RPS2: variants seen among roughly 807,000 people sequenced by gnomAD.
The protein encoded by RPS2 is ribosomal protein S2.
In RPS2, 8 loss-of-function variants were observed where a neutral mutation model predicts 25.3. That is an observed-to-expected ratio of 0.32 (90% CI 0.19 to 0.57). The LOEUF (loss-of-function observed/expected upper bound fraction) is 0.57. Ranked by LOEUF, RPS2 falls within the 20% of genes least tolerant of loss-of-function variation. RPS2 has a pLI of 0.90. For synonymous variants in RPS2, 181 were observed against 161.3 expected (o/e 1.12, Z -0.92); for missense variants, 229 against 408.1 (o/e 0.56, Z 3.78).
intron 4 of RPS2, 50 bp from the exon 5 acceptor site, chr16:1,962,959 G>GC: frequency 3.2e-6 from 5 of 1,579,686 alleles, no homozygotes; most frequent in Non-Finnish European, 4.3e-6. Context: ...CCCAATCACT[G>GC]CCCACCGCCC....
chr16:1,963,926 CG>C (rs1175822078), intron 3 of RPS2: 3 of 391,738 alleles, frequency 7.7e-6, no homozygotes, highest in Non-Finnish European at 1.5e-5. Context: ...CCCGTACACG[CG>C]GACTATGACA....
In RPS2 at chr16:1,962,061, C is replaced by G. The variant is rs2083261027; in HGVS notation, c.*37G>C. On this transcript the variant is annotated 3_prime_UTR_variant, in exon 7 of 7. Coordinates refer to ENST00000343262, the MANE Select transcript of RPS2 (RefSeq NM_002952.4). ...GCAGGACACGGGAAAAAAACAGTAA[C>G]ACGCTTAATTCACTTTATTTTTCTT... The G allele has an allele frequency of 2.0e-6, 3 of 1,516,536 alleles. No individual in the cohort carries two copies. The highest frequency in any genetic ancestry group is 2.3e-5 in the East Asian group (1 of 44,258). 93.9% of individuals were successfully genotyped at this position (1,516,536 alleles called of 1,614,324 possible). A position where few individuals can be genotyped will look rare whatever the true frequency, so the allele number is the denominator to read the frequency against.
At chr16:1,964,030 C>A (rs6366) in intron 3 of RPS2, 54 of 534,926 alleles carry the variant, frequency 1.0e-4, no homozygotes, top group Non-Finnish European at 1.7e-4. Flanking sequence ...TCAGTTCTTT[C>A]GAAATGAATT....
Position 1,964,427 on chromosome 16 carries a change from C to G in RPS2, c.177+22G>C, listed in dbSNP as rs777425475. 3.7e-6 allele frequency: 6 copies of G among 1,612,496 alleles called. No individual in the cohort carries two copies. In the Admixed American group the frequency reaches 8.3e-5, roughly 22 times the overall value. On this transcript the variant is annotated intron_variant, in intron 2 of 6. Coordinates refer to ENST00000343262, the MANE Select transcript of RPS2 (RefSeq NM_002952.4). ...CTCCGGCGCCGCCCAGGGGCCCGAC[C>G]CCGAGCGTGGCTGATACCTACCTCC...
At chr16:1,964,660 T>A in intron 1 of RPS2, 32 bp from the exon 2 acceptor site, 1 of 1,174,836 alleles carries the variant, frequency 8.5e-7, no homozygotes, top group Non-Finnish European at 1.2e-6. Flanking sequence ...AACTAGTCAG[T>A]GTGGCCTACG....
chr16:1,963,526 G>A, intron 3 of RPS2: 1 of 376,160 alleles, frequency 2.7e-6, no homozygotes, highest in South Asian at 2.2e-5. Flanking sequence ...TGAGGCAGGA[G>A]AATCGCTTGA....
chr16:1,963,308 C>T (rs1432026996), intron 3 of RPS2, 52 bp from the exon 4 acceptor site: 3 of 1,241,124 alleles, frequency 2.4e-6, no homozygotes, highest in Non-Finnish European at 3.4e-6. Context: ...AACTTAATAC[C>T]ATTATGATAT....
rs867585233 is a variant in RPS2 at position 1,963,994 on chromosome 16, G to A, written c.267+282C>T. ...CCTGAACTTCATCATCCTCTCGGAT[G>A]GCATGAACCAAGCGCTGCTTCTCTT... is the stretch of plus-strand genomic sequence containing the variant. On this transcript the variant is annotated intron_variant, in intron 3 of 6. Transcript: ENST00000343262. The A allele has an allele frequency of 6.4e-5, 30 of 468,702 alleles. No individual in the cohort carries two copies. In the Middle Eastern group the frequency reaches 1.9e-3, roughly 30 times the overall value. The allele number at this position is 468,702 out of a possible 1,614,324, so 29.0% of individuals were successfully genotyped here. A position where few individuals can be genotyped will look rare whatever the true frequency, so the allele number is the denominator to read the frequency against.
At chr16:1,963,341 G>C (rs2083275360) in intron 3 of RPS2, 85 bp from the exon 4 acceptor site, 4 of 894,888 alleles carry the variant, frequency 4.5e-6, no homozygotes, top group African/African-American at 1.7e-5. Flanking sequence ...GTCACGGCCG[G>C]GGGCGGTGGC....
Position 1,962,924 on chromosome 16 carries a change from G to A in RPS2, c.376-15C>T, listed in dbSNP as rs374384493. 13 of 1,597,560 alleles carry A rather than the reference G, an allele frequency of 8.1e-6. No homozygotes were observed. The highest frequency in any genetic ancestry group is 8.0e-5 in the African/African-American group (6 of 74,880). ...GCAACAAATGCCTGCGAAAAGATGT[G>A]TGTGAGGCAGCTGGTGGCCCTACAC... On this transcript the variant is annotated splice_polypyrimidine_tract_variant and intron_variant, in intron 4 of 6. Transcript: ENST00000343262.
Position 1,964,814 on chromosome 16 carries a change from G to A in RPS2, c.-11C>T, listed in dbSNP as rs1367923937. ...GCGACCAACAGGACTCACGTGTTTT[G>A]TCGGAAAAGAAGAACGAGACCTACT... On this transcript the variant is annotated 5_prime_UTR_variant, in exon 1 of 7. Coordinates refer to ENST00000343262, the MANE Select transcript of RPS2 (RefSeq NM_002952.4). 1.9e-6 allele frequency: 1 copy of A among 537,398 alleles called. No individual in the cohort carries two copies. Among genetic ancestry groups the A allele is most frequent in the Non-Finnish European group, 3.2e-6 (1 of 309,288 alleles). The allele number at this position is 537,398 out of a possible 1,614,324, so 33.3% of individuals were successfully genotyped here. A position where few individuals can be genotyped will look rare whatever the true frequency, so the allele number is the denominator to read the frequency against.
At chr16:1,963,824 T>C in intron 3 of RPS2, 2 of 458,586 alleles carry the variant, frequency 4.4e-6, no homozygotes, top group Non-Finnish European at 8.7e-6. Context: ...GGCCTAGCCA[T>C]GACCACCGTA....
In RPS2 at chr16:1,962,630, C is replaced by G; in HGVS notation, c.576G>C (p.Leu192=). 1 of 1,606,850 alleles carries G rather than the reference C, an allele frequency of 6.2e-7. No individual in the cohort carries two copies. Among genetic ancestry groups the G allele is most frequent in the Non-Finnish European group, 8.5e-7 (1 of 1,177,758 alleles). ...CCCTGGGTGCAGGGATGAGGCGTAC[C>G]AGCACAGAGCCGCAGCGGCCTGTCA... ...CKVTGRCGSV[L]VRLIPAPRGT... Residue 192 remains leucine, a synonymous_variant, in exon 6 of 7, where the codon CTG becomes CTC. Coordinates refer to ENST00000343262, the MANE Select transcript of RPS2 (RefSeq NM_002952.4).
Position 1,963,176 on chromosome 16 carries a change from G to A in RPS2, c.348C>T (p.Thr116=), listed in dbSNP as rs1331330631. 4.6e-5 allele frequency: 73 copies of A among 1,597,916 alleles called. No individual in the cohort carries two copies. The highest frequency in any genetic ancestry group is 6.1e-5 in the Non-Finnish European group (72 of 1,171,914). Residue 116 remains threonine, a synonymous_variant, in exon 4 of 7, where the codon ACC becomes ACT. Coordinates refer to ENST00000343262, the MANE Select transcript of RPS2 (RefSeq NM_002952.4). ...TGAACCTGGTGCGCTGGCCGGCACG[G>A]GTCTGCTTCTGCACTGGCATAATCT... is the stretch of plus-strand genomic sequence containing the variant. ...VLKIMPVQKQ[T]RAGQRTRFKA...
chr16:1,963,627 A>C (rs1165019962), intron 3 of RPS2: 2 of 333,978 alleles, frequency 6.0e-6, no homozygotes, highest in Admixed American at 4.0e-5. Flanking sequence ...CCCAAAAAAA[A>C]CCGAAGAAGT....
chr16:1,964,296 G>C lies in RPS2; in HGVS notation c.247C>G (p.Leu83Val), dbSNP rs1201265849. ...CGTACCTTAATAGGCAGGGAGAAGA[G>C]ATAGATCTCCTCCAGGGACTTGATC... ...MKIKSLEEIY[L>V]FSLPIKESEI... Residue 83 changes from leucine to valine, a missense_variant, in exon 3 of 7, where the codon CTC becomes GTC. Leu to Val is a conservative substitution (Grantham distance 32). Around this residue, in one of 7 missense-constraint regions of RPS2, gnomAD observed 70 missense variants for 119.0 expected, o/e 0.59. Coordinates refer to ENST00000343262, the MANE Select transcript of RPS2 (RefSeq NM_002952.4). 1.9e-6 allele frequency: 3 copies of C among 1,612,292 alleles called. No homozygotes were observed. The highest frequency in any genetic ancestry group is 2.2e-5 in the East Asian group (1 of 44,880).
At position 1,964,462 on chromosome 16, in the gene RPS2, G is replaced by T. The variant is rs1334790430; in HGVS notation, c.164C>A (p.Ala55Asp). 1.2e-6 allele frequency: 2 copies of T among 1,610,626 alleles called. No individual in the cohort carries two copies. Among genetic ancestry groups the T allele is most frequent in the Non-Finnish European group, 1.7e-6 (2 of 1,179,362 alleles). ...GCTGATACCTACCTCCTTATCCTCG[G>T]CCTTGCCTCCGCGAGCTCCGCGGCC... The part of the protein sequence containing the change: ...GRGRGARGGK[A>D]EDKEWMPVTK... The change falls in exon 2 of 7, where the codon GCC (alanine) becomes GAC (aspartate). Residue 55 changes from alanine to aspartate, a missense_variant. Ala to Asp is a moderately radical substitution (Grantham distance 126). Around this residue, in one of 7 missense-constraint regions of RPS2, gnomAD observed 70 missense variants for 119.0 expected, o/e 0.59. Transcript: ENST00000343262.
intron 4 of RPS2, 56 bp from the exon 5 acceptor site, chr16:1,962,965 C>A (rs141249935): frequency 4.9e-5 from 77 of 1,564,152 alleles, no homozygotes; most frequent in Non-Finnish European, 6.2e-5. Context: ...CACTGCCCAC[C>A]GCCCAGGGCC....
Position 1,964,791 on chromosome 16 carries a change from G to T in RPS2, c.-4+16C>A, listed in dbSNP as rs543613560. ...CGCCCACGCAGAGGCCCGCTGCAGC[G>T]ACCAACAGGACTCACGTGTTTTGTC... On this transcript the variant is annotated intron_variant, in intron 1 of 6. Transcript: ENST00000343262. 9.1e-6 allele frequency: 5 copies of T among 547,066 alleles called. No individual in the cohort carries two copies. Among genetic ancestry groups the T allele is most frequent in the African/African-American group, 4.1e-5 (2 of 49,378 alleles). The allele number at this position is 547,066 out of a possible 1,614,324, so 33.9% of individuals were successfully genotyped here. A position where few individuals can be genotyped will look rare whatever the true frequency, so the allele number is the denominator to read the frequency against.
Sources: allele counts gnomAD v4.1 joint callset, GRCh38; gene constraint gnomAD v4.1.1; regional missense constraint gnomAD v4.1.1; transcripts MANE v1.5; gene names NCBI Gene and HGNC (gene_info 2026-07-23, HGNC 2026-07-21).